The following SLC4A5 variants were observed in gnomAD, a reference collection of about 807,000 sequenced individuals.
SLC4A5 encodes solute carrier family 4 member 5.
SLC4A5 carries 96 observed loss-of-function variants against 120.4 expected under a neutral mutation model. That is an observed-to-expected ratio of 0.80 (90% CI 0.68 to 0.94). The LOEUF is 0.94. Ranked by LOEUF, SLC4A5 falls within the 40% of genes least tolerant of loss-of-function variation. SLC4A5 has a pLI of 0.00. For synonymous variants in SLC4A5, 550 were observed against 571.1 expected (o/e 0.96, Z 0.53); for missense variants, 1,259 against 1,459.5 (o/e 0.86, Z 2.24).
chr2:74,246,270 A>T (rs1395253177), intron 19 of SLC4A5, among the ~76,000 whole-genome samples: 1 of 152,192 alleles, frequency 6.6e-6, no homozygotes, highest in Non-Finnish European at 1.5e-5. Flanking sequence ...GCAGATGGAC[A>T]TCCAGAGAGT....
At chr2:74,321,102 G>A (rs1673086102) in intron 5 of SLC4A5, among the ~76,000 whole-genome samples, 2 of 152,152 alleles carry the variant, frequency 1.3e-5, no homozygotes, top group African/African-American at 4.8e-5. Flanking sequence ...GTCAATGTCA[G>A]TGCCATGTTG....
At chr2:74,305,016 T>C (rs902544602) in intron 6 of SLC4A5, among the ~76,000 whole-genome samples, 2 of 152,248 alleles carry the variant, frequency 1.3e-5, no homozygotes, top group African/African-American at 4.8e-5. Context: ...GGGTCACAGA[T>C]GTAGTTCAAA....
rs571745642 is a variant in SLC4A5 at position 74,260,224 on chromosome 2, A to G, written c.812-581T>C. 7.9e-5 allele frequency among the ~76,000 whole-genome samples: 12 copies of G among 152,226 alleles called. No homozygotes were observed. The South Asian group carries it at 2.3e-3, about 29-fold the overall frequency. ...CCAGCTCTCCTCTCCCACTAGCCCAATCTGGTGGACACCCTCAGACCTATC... is the reference window on the plus strand; with the variant it reads ...CCAGCTCTCCTCTCCCACTAGCCCAGTCTGGTGGACACCCTCAGACCTATC... On this transcript the variant is annotated intron_variant, in intron 11 of 30. Transcript: ENST00000394019.
At chr2:74,290,835 T>C in intron 7 of SLC4A5, 3 of 868,574 alleles carry the variant, frequency 3.5e-6, no homozygotes, top group Non-Finnish European at 4.1e-6. Context: ...CCCTTCCCCA[T>C]GAGTGCTTCC....
intron 7 of SLC4A5, among the ~76,000 whole-genome samples, chr2:74,296,770 G>C (rs533824698): frequency 2.1e-5 from 3 of 140,072 alleles, no homozygotes; most frequent in East Asian, 2.2e-4. Context: ...TTGGGTGACG[G>C]AGCAAGACTC....
At position 74,282,285 on chromosome 2, in the gene SLC4A5, G is replaced by T. The variant is rs72818072; in HGVS notation, c.401+3488C>A. Among the ~76,000 whole-genome samples the T allele has an allele frequency of 5.4e-3, 821 of 152,332 alleles. 4 individuals carry two copies. The highest frequency in any genetic ancestry group is 9.4e-3 in the Non-Finnish European group (637 of 68,026). Reference sequence around the variant, plus strand: ...GGGGTTAGCTGTAGAGAGTAGAAAAGGGTGGAGCAGAAGTCGAGAAAGCTA... The same window carrying T: ...GGGGTTAGCTGTAGAGAGTAGAAAATGGTGGAGCAGAAGTCGAGAAAGCTA... On this transcript the variant is annotated intron_variant, in intron 8 of 30. Coordinates refer to ENST00000394019, the Ensembl canonical transcript of SLC4A5.
At chr2:74,241,707 T>TC (rs1000518480) in intron 20 of SLC4A5, among the ~76,000 whole-genome samples, 7 of 137,920 alleles carry the variant, frequency 5.1e-5, no homozygotes, top group African/African-American at 8.3e-5. Flanking sequence ...ACGCCACTGC[T>TC]CTCCAGCCTG....
At chr2:74,327,810 T>C (rs577494243) in intron 5 of SLC4A5, among the ~76,000 whole-genome samples, 4 of 152,194 alleles carry the variant, frequency 2.6e-5, no homozygotes, top group Non-Finnish European at 5.9e-5. Context: ...TTCAGTTCTA[T>C]TAGATGAGAA....
chr2:74,298,938 G>C (rs192231549), intron 7 of SLC4A5, among the ~76,000 whole-genome samples: 2 of 152,164 alleles, frequency 1.3e-5, no homozygotes, highest in Non-Finnish European at 2.9e-5. Context: ...TGGTTTGGCT[G>C]TGTCACCACC....
At chr2:74,264,112 A>G in intron 10 of SLC4A5, 35 bp downstream of exon 10, 1 of 1,602,732 alleles carries the variant, frequency 6.2e-7, no homozygotes, top group Non-Finnish European at 8.5e-7. Flanking sequence ...CTGGCCCTGC[A>G]TGTCCCATGC....
chr2:74,245,346 A>G (rs952917997), intron 19 of SLC4A5, among the ~76,000 whole-genome samples: 8 of 152,198 alleles, frequency 5.3e-5, no homozygotes, highest in Non-Finnish European at 1.0e-4. Flanking sequence ...AAAAATAAAC[A>G]GAATTTGGAT....
intron 1 of SLC4A5, among the ~76,000 whole-genome samples, 163 bp downstream of exon 1, chr2:74,343,193 T>C (rs1673663017): frequency 6.6e-6 from 1 of 152,246 alleles, no homozygotes; most frequent in Non-Finnish European, 1.5e-5. Flanking sequence ...TTATCTTTGC[T>C]CTAAGTCTTG....
chr2:74,259,970 G>C (rs1671084110), intron 11 of SLC4A5, among the ~76,000 whole-genome samples: 1 of 152,188 alleles, frequency 6.6e-6, no homozygotes, highest in African/African-American at 2.4e-5. Context: ...GCCCGGATAG[G>C]AGGAGGGACA....
intron 11 of SLC4A5, among the ~76,000 whole-genome samples, chr2:74,260,534 G>A (rs548605562): frequency 1.3e-5 from 2 of 152,182 alleles, no homozygotes; most frequent in South Asian, 2.1e-4. Flanking sequence ...CACCTCAAAT[G>A]CAACTCTTTA....
At chr2:74,293,667 C>T (rs1360922871) in intron 7 of SLC4A5, among the ~76,000 whole-genome samples, 1 of 152,218 alleles carries the variant, frequency 6.6e-6, no homozygotes, top group Non-Finnish European at 1.5e-5. Context: ...TTGAGCCCGG[C>T]TCTTCGTTTT....
At chr2:74,235,118 C>T in exon 22 of SLC4A5, 1 of 1,614,064 alleles carries the variant, frequency 6.2e-7, no homozygotes, top group Non-Finnish European at 8.5e-7. Context: ...ACACTGGGCA[C>T]ATGCAGCTTG....
chr2:74,249,740 G>GGGAATCCTGAGGGGCAGCCATGT (rs1670734132), intron 17 of SLC4A5, among the ~76,000 whole-genome samples: 1 of 152,114 alleles, frequency 6.6e-6, no homozygotes. Context: ...GGCAGCCATG[G>GGGAATCCTGAGGGGCAGCCATGT]GGAATCCTGA....
In SLC4A5 at chr2:74,322,749, A is replaced by G. The variant is rs551978815; in HGVS notation, c.-3+5371T>C. ...TAATAGTCTCAGGCAAAATGGGTCA[A>G]CTGAGCACTCTGCACAGAAAATATC... On this transcript the variant is annotated intron_variant, in intron 5 of 30. Transcript: ENST00000394019. Among the ~76,000 whole-genome samples the G allele has an allele frequency of 5.3e-5, 8 of 152,312 alleles. No individual in the cohort carries two copies. In the South Asian group the frequency reaches 1.2e-3, roughly 24 times the overall value.
At chr2:74,264,656 A>T (rs1478998651) in intron 9 of SLC4A5, among the ~76,000 whole-genome samples, 1 of 152,204 alleles carries the variant, frequency 6.6e-6, no homozygotes, top group African/African-American at 2.4e-5. Flanking sequence ...ATTTTGGGCA[A>T]AATACTTCTG....
Sources: allele counts gnomAD v4.1 joint callset (sites outside exome capture counted in the v4.1 genomes callset), GRCh38; gene constraint gnomAD v4.1.1; transcripts MANE v1.5; gene names NCBI Gene and HGNC (gene_info 2026-07-23, HGNC 2026-07-21).